The following FRMD4B variants were observed in gnomAD, a reference collection of about 807,000 sequenced individuals.
The protein encoded by FRMD4B is FERM domain-containing protein 4B.
A neutral mutation model predicts 141.5 loss-of-function variants in FRMD4B; 74 were observed. The observed-to-expected ratio is 0.52, with a 90% CI of 0.43 to 0.63. The LOEUF (loss-of-function observed/expected upper bound fraction) is 0.63. FRMD4B is among the 30% of genes least tolerant of loss of function. The pLI is 0.00. For synonymous variants in FRMD4B, 506 were observed against 467.9 expected (o/e 1.08, Z -1.05); for missense variants, 1,366 against 1,253.4 (o/e 1.09, Z -1.36).
rs374166456 is a variant in FRMD4B, at chr3:69,468,917, A to C, written c.-128-36156T>G. The stretch of plus-strand genomic sequence containing the variant: ...GCTGAAAATAACCAACTTTGCCATC[A>C]ATACAGACCTATGGCCTGTATAGTC... On this transcript the variant is annotated intron_variant, in intron 1 of 5. Coordinates refer to the FRMD4B transcript ENST00000459638. 2.8e-4 allele frequency among the ~76,000 whole-genome samples: 42 copies of C among 152,326 alleles called. 1 individual carries two copies. The highest frequency in any genetic ancestry group is 9.1e-4 in the African/African-American group (38 of 41,574).
chr3:69,270,940 T>C (rs1441149195), intron 5 of FRMD4B, among the ~76,000 whole-genome samples: 1 of 152,238 alleles, frequency 6.6e-6, no homozygotes, highest in Non-Finnish European at 1.5e-5. Flanking sequence ...ATATATATTA[T>C]GAAACATTTT....
rs528457975 is a variant in FRMD4B, at chr3:69,304,022, G to A, written c.324-1587C>T. Among the ~76,000 whole-genome samples the A allele has an allele frequency of 3.7e-4, 56 of 152,238 alleles. No individual in the cohort carries two copies. In the South Asian group the frequency reaches 6.4e-3, roughly 17 times the overall value. On this transcript the variant is annotated intron_variant, in intron 3 of 22. Coordinates refer to ENST00000398540, the MANE Select transcript of FRMD4B (RefSeq NM_015123.3). ...AAGTACAGGGTCGGTGCTAGGCACAGTGGCTCATGCCTCTAATCCCAGCAC... is the reference window on the plus strand; with the variant it reads ...AAGTACAGGGTCGGTGCTAGGCACAATGGCTCATGCCTCTAATCCCAGCAC...
chr3:69,482,376 C>G (rs530548646), intron 1 of FRMD4B, among the ~76,000 whole-genome samples: 1 of 152,122 alleles, frequency 6.6e-6, no homozygotes, highest in African/African-American at 2.4e-5. Flanking sequence ...CTGGAGACCT[C>G]TGAAGTGTGT....
intron 1 of FRMD4B, among the ~76,000 whole-genome samples, chr3:69,518,381 G>C (rs948692698): frequency 2.0e-5 from 3 of 152,088 alleles, no homozygotes; most frequent in South Asian, 2.1e-4. Context: ...GCTAAGTTCT[G>C]GGAATATAAA....
chr3:69,270,677 T>C (rs955737502), intron 5 of FRMD4B, among the ~76,000 whole-genome samples: 1 of 151,984 alleles, frequency 6.6e-6, no homozygotes, highest in Non-Finnish European at 1.5e-5. Context: ...GTGATTCTCC[T>C]GCCTCAGCCT....
intron 1 of FRMD4B, among the ~76,000 whole-genome samples, chr3:69,484,169 A>C (rs1479869593): frequency 6.6e-6 from 1 of 152,232 alleles, no homozygotes; most frequent in African/African-American, 2.4e-5. Flanking sequence ...TAGTGCATTT[A>C]TTTAGTAGAT....
chr3:69,265,269 AATATATAT>A lies in FRMD4B; in HGVS notation c.502-15178_502-15171del, dbSNP rs1175250592. On this transcript the variant is annotated intron_variant, in intron 5 of 22. Coordinates refer to ENST00000398540, the MANE Select transcript of FRMD4B (RefSeq NM_015123.3). ...GACTCCATCTCAAAAAAAAAAAAAA[AATATATAT>A]ATATATATATATATATATATATATA... 4.8e-3 allele frequency among the ~76,000 whole-genome samples: 112 copies of A among 23,398 alleles called. 1 individual carries two copies. The highest frequency in any genetic ancestry group is 0.016 in the African/African-American group (99 of 6,018). 15.3% of individuals were successfully genotyped at this position (23,398 alleles called of 152,430 possible).
intron 1 of FRMD4B, among the ~76,000 whole-genome samples, chr3:69,448,698 T>C (rs555400414): frequency 6.6e-6 from 1 of 152,242 alleles, no homozygotes; most frequent in Admixed American, 6.5e-5. Context: ...ATACAAGAGA[T>C]ACAAATAATT....
rs114313663 is a variant in FRMD4B, at chr3:69,200,481, C to T, written c.877-1707G>A. The T allele has an allele frequency of 1.8e-3, 1,755 of 991,236 alleles. 23 individuals are homozygous for T. In the African/African-American group the frequency reaches 0.028, roughly 16 times the overall value. The allele number at this position is 991,236 out of a possible 1,614,324, so 61.4% of individuals were successfully genotyped here. ...ACCTCAGGGTTCTTCCGCCCTCCCC[C>T]CTCCCAGACGGCAGCTCCGGTGAGT... On this transcript the variant is annotated intron_variant, in intron 11 of 22. Transcript: ENST00000398540.
intron 1 of FRMD4B, among the ~76,000 whole-genome samples, chr3:69,455,792 T>G (rs1202471325): frequency 6.6e-6 from 1 of 152,168 alleles, no homozygotes. Flanking sequence ...TCTTTAACTG[T>G]GTTAATAAAT....
At chr3:69,430,590 T>C (rs1025079296) in intron 2 of FRMD4B, among the ~76,000 whole-genome samples, 1 of 152,162 alleles carries the variant, frequency 6.6e-6, no homozygotes, top group Non-Finnish European at 1.5e-5. Context: ...TCCCAGAATA[T>C]TACTGTGAAG....
chr3:69,515,460 C>G (rs1299071719), intron 1 of FRMD4B, among the ~76,000 whole-genome samples: 1 of 152,160 alleles, frequency 6.6e-6, no homozygotes, highest in Non-Finnish European at 1.5e-5. Flanking sequence ...CTATTCTCCC[C>G]AATTTATTTA....
intron 3 of FRMD4B, chr3:69,310,573 CACACACACAGAGAGAG>C: frequency 3.9e-6 from 1 of 256,598 alleles, no homozygotes; most frequent in Non-Finnish European, 7.9e-6. Flanking sequence ...CACACACACA[CACACACACAGAGAGAG>C]AGAGAGAGAG....
chr3:69,173,683 C>T (rs1325570273), intron 22 of FRMD4B, among the ~76,000 whole-genome samples: 1 of 152,162 alleles, frequency 6.6e-6, no homozygotes, highest in Non-Finnish European at 1.5e-5. Context: ...ATAAGTACTT[C>T]TGTATCTCCG....
chr3:69,345,167 A>T (rs1435417917), intron 1 of FRMD4B, among the ~76,000 whole-genome samples: 3 of 152,262 alleles, frequency 2.0e-5, no homozygotes, highest in Non-Finnish European at 2.9e-5. Context: ...TGGTCTTAGC[A>T]AATGGCACAC....
At chr3:69,221,968 G>A (rs1309971503) in intron 8 of FRMD4B, 45 bp from the exon 9 acceptor site, 1 of 985,984 alleles carries the variant, frequency 1.0e-6, no homozygotes, top group East Asian at 2.5e-5. Context: ...ATGATTATCT[G>A]AGGTACAGGC....
intron 1 of FRMD4B, among the ~76,000 whole-genome samples, chr3:69,463,823 A>C (rs1459941840): frequency 2.6e-5 from 4 of 152,240 alleles, no homozygotes; most frequent in African/African-American, 9.6e-5. Flanking sequence ...AATTTGCAAA[A>C]GGAGGGCTCT....
Position 69,182,654 on chromosome 3 carries a change from T to A in FRMD4B, c.1983A>T (p.Arg661=). 2 of 1,613,816 alleles carry A rather than the reference T, an allele frequency of 1.2e-6. No individual in the cohort carries two copies. Among genetic ancestry groups the A allele is most frequent in the Non-Finnish European group, 1.7e-6 (2 of 1,179,764 alleles). The change falls in exon 20 of 23, where the codon CGA becomes CGT. Residue 661 remains arginine, a synonymous_variant. Transcript: ENST00000398540. The part of the protein sequence containing the change: ...KTLERRPQGG[R]SMPTTPVLTR... ...TAAGAACTGGCGTGGTGGGCATGCT[T>A]CGTCCTCCCTGGGGCCGCCTCTCCA...
chr3:69,297,585 CCCT>C (rs1278667880), intron 4 of FRMD4B, among the ~76,000 whole-genome samples: 1 of 152,182 alleles, frequency 6.6e-6, no homozygotes, highest in Non-Finnish European at 1.5e-5. Context: ...CCTCAGGTTG[CCCT>C]CCTCTGAGGG....
Sources: gnomAD v4.1 joint callset for allele counts (sites outside exome capture counted in the v4.1 genomes callset) on GRCh38, gnomAD v4.1.1 for gene constraint, MANE v1.5 for transcripts, NCBI Gene and HGNC (gene_info 2026-07-23, HGNC 2026-07-21) for gene names.